ZNF778: variants seen among roughly 807,000 people sequenced by gnomAD.
ZNF778 encodes zinc finger protein 778.
In ZNF778, 37 loss-of-function variants were observed where a neutral mutation model predicts 23.9. The observed-to-expected ratio is 1.54, with a 90% confidence interval of 1.19 to 2.03. ZNF778 has a LOEUF of 2.03. Ranked by LOEUF, ZNF778 falls within the 30% of genes most tolerant of loss-of-function variation. ZNF778 has a pLI of 0.00. For missense variants in ZNF778, 1,297 were observed against 934.4 expected (o/e 1.39, Z -5.06); for synonymous variants, 483 against 343.9 (o/e 1.40, Z -4.48).
Position 89,227,138 on chromosome 16 carries a change from AGG to A in ZNF778, c.852_853del (p.Glu285MetfsTer6), listed in dbSNP as rs926844160. On this transcript the variant is annotated frameshift_variant, in exon 7 of 7. Coordinates refer to ENST00000433976, the MANE Select transcript of ZNF778 (RefSeq NM_001201407.2). LOFTEE classifies it low-confidence loss of function (END_TRUNC). ...TGCCGTCAGGAATCCCCACGTATGT[AGG>A]GAATGTGGGAAGGCCTTTAGGTACA... ...MHAVRNPHVC[R>X]ECGKAFRYTA... The A allele has an allele frequency of 6.2e-7, 1 of 1,613,916 alleles. No homozygotes were observed. The highest frequency in any genetic ancestry group is 8.5e-7 in the Non-Finnish European group (1 of 1,179,910).
At chr16:89,220,686 C>T (rs1037107094) in intron 1 of ZNF778, among the ~76,000 whole-genome samples, 2 of 152,068 alleles carry the variant, frequency 1.3e-5, no homozygotes, top group African/African-American at 4.8e-5. Context: ...ACGAGATGGT[C>T]GAACATGTAC....
At position 89,233,442 on chromosome 16, in the gene ZNF778, C is replaced by CATAT. The variant is rs1274934229; in HGVS notation, c.*4880_*4881insATAT. ...TGCGTATGCAACTCAACTCGCACTG[C>CATAT]GTGTGCAACTCAACTCGCACTGCGT... is the stretch of plus-strand genomic sequence containing the variant. On this transcript the variant is annotated 3_prime_UTR_variant, in exon 7 of 7. Transcript: ENST00000433976. 1.6e-6 allele frequency: 2 copies of CATAT among 1,264,484 alleles called. No individual in the cohort carries two copies. The highest frequency in any genetic ancestry group is 3.2e-5 in the African/African-American group (2 of 62,882). The allele number at this position is 1,264,484 out of a possible 1,614,324, so 78.3% of individuals were successfully genotyped here.
chr16:89,232,827 G>T lies in ZNF778; in HGVS notation c.*4265G>T. 7.8e-7 allele frequency: 1 copy of T among 1,289,342 alleles called. No homozygotes were observed. The highest frequency in any genetic ancestry group is 1.0e-6 in the Non-Finnish European group (1 of 988,860). 79.9% of individuals were successfully genotyped at this position (1,289,342 alleles called of 1,614,324 possible). A position where few individuals can be genotyped will look rare whatever the true frequency, so the allele number is the denominator to read the frequency against. On this transcript the variant is annotated 3_prime_UTR_variant, in exon 7 of 7. Coordinates refer to ENST00000433976, the MANE Select transcript of ZNF778 (RefSeq NM_001201407.2). ...CTGCATATGCAACTCAACTCACACC[G>T]TATATGCAACTCAACTCACACCGTG... is the stretch of plus-strand genomic sequence containing the variant.
rs2031723380 is a variant in ZNF778, at chr16:89,228,632, C to T, written c.*70C>T. 2 of 1,519,696 alleles carry T rather than the reference C, an allele frequency of 1.3e-6. No homozygotes were observed. The highest frequency in any genetic ancestry group is 1.4e-5 in the South Asian group (1 of 72,656). 94.1% of individuals were successfully genotyped at this position (1,519,696 alleles called of 1,614,324 possible). A position where few individuals can be genotyped will look rare whatever the true frequency, so the allele number is the denominator to read the frequency against. On this transcript the variant is annotated 3_prime_UTR_variant, in exon 7 of 7. Coordinates refer to ENST00000433976, the MANE Select transcript of ZNF778 (RefSeq NM_001201407.2). ...AAGACATGAAAGACCTCTCGTTCTC[C>T]AGATGTCCATGACTTGAGGAATGTG...
Position 89,232,898 on chromosome 16 carries a change from G to T in ZNF778, c.*4336G>T, listed in dbSNP as rs74208952. On this transcript the variant is annotated 3_prime_UTR_variant, in exon 7 of 7. Coordinates refer to ENST00000433976, the MANE Select transcript of ZNF778 (RefSeq NM_001201407.2). Reference sequence around the variant, plus strand: ...GCGTATGCAACTCAACTCGCACTGCGTATGCAACTCAACTCGCACTGCGTA... The same window carrying T: ...GCGTATGCAACTCAACTCGCACTGCTTATGCAACTCAACTCGCACTGCGTA... The T allele has an allele frequency of 8.6e-5, 110 of 1,279,182 alleles. No individual in the cohort carries two copies. Among genetic ancestry groups the T allele is most frequent in the Non-Finnish European group, 1.1e-4 (109 of 985,386 alleles). 79.2% of individuals were successfully genotyped at this position (1,279,182 alleles called of 1,614,324 possible).
intron 5 of ZNF778, among the ~76,000 whole-genome samples, chr16:89,225,243 G>T (rs2031371009): frequency 1.3e-5 from 2 of 150,216 alleles, no homozygotes; most frequent in South Asian, 4.3e-4. Flanking sequence ...AGCCTCCTGA[G>T]TAGCTGGGAT....
At position 89,223,050 on chromosome 16, in the gene ZNF778, A is replaced by T. The variant is rs559411672; in HGVS notation, c.118-107A>T. On this transcript the variant is annotated intron_variant, in intron 3 of 6. Transcript: ENST00000433976. ...GGGACCACTGGGCCATGGGGTAGAC[A>T]GTAGGAGGCCTCACAGTCCCATAGG... is the stretch of plus-strand genomic sequence containing the variant. 2.7e-4 allele frequency: 368 copies of T among 1,353,120 alleles called. 1 individual carries two copies. In the African/African-American group the frequency reaches 4.8e-3, roughly 18 times the overall value. The allele number at this position is 1,353,120 out of a possible 1,614,324, so 83.8% of individuals were successfully genotyped here.
rs1193911740 is a variant in ZNF778, at chr16:89,235,124, C to G, written c.*6562C>G. Reference sequence around the variant, plus strand: ...TCTGTAGAGTGTAATGTCATTTTTCCCACTATGGACATAAAAATTTTTGCA... The same window carrying G: ...TCTGTAGAGTGTAATGTCATTTTTCGCACTATGGACATAAAAATTTTTGCA... On this transcript the variant is annotated 3_prime_UTR_variant, in exon 7 of 7. Transcript: ENST00000433976. 1 of 151,758 alleles carries G rather than the reference C, an allele frequency of 6.6e-6. No individual in the cohort carries two copies. Among genetic ancestry groups the G allele is most frequent in the South Asian group, 2.1e-4 (1 of 4,812 alleles). 9.4% of individuals were successfully genotyped at this position (151,758 alleles called of 1,614,324 possible).
rs1241526206 is a variant in ZNF778 at position 89,235,710 on chromosome 16, C to T, written c.*7148C>T. The T allele has an allele frequency of 1.3e-5, 2 of 152,194 alleles. No individual in the cohort carries two copies. The highest frequency in any genetic ancestry group is 4.8e-5 in the African/African-American group (2 of 41,436). 9.4% of individuals were successfully genotyped at this position (152,194 alleles called of 1,614,324 possible). A position where few individuals can be genotyped will look rare whatever the true frequency, so the allele number is the denominator to read the frequency against. On this transcript the variant is annotated 3_prime_UTR_variant, in exon 7 of 7. Transcript: ENST00000433976. ...CAGTGTTATGATACCAAATGGCTAA[C>T]ATTCATGACCTCAGTATCCTGGAAG...
chr16:89,221,661 G>A (rs939512000), intron 2 of ZNF778, among the ~76,000 whole-genome samples: 3 of 151,526 alleles, frequency 2.0e-5, no homozygotes, highest in African/African-American at 7.3e-5. Flanking sequence ...GGCTGTGTGT[G>A]TGTGTATTTT....
At position 89,223,297 on chromosome 16, in the gene ZNF778, C is replaced by A; in HGVS notation, c.244+14C>A. The A allele has an allele frequency of 6.2e-7, 1 of 1,613,372 alleles. No homozygotes were observed. The highest frequency in any genetic ancestry group is 8.5e-7 in the Non-Finnish European group (1 of 1,179,784). On this transcript the variant is annotated intron_variant, in intron 4 of 6. Transcript: ENST00000433976. ...TGGCCTCAGTAGGTGAGGCTGCCACCGTCCTTTGCAACTTCTGTGGAACCA... is the reference window on the plus strand; with the variant it reads ...TGGCCTCAGTAGGTGAGGCTGCCACAGTCCTTTGCAACTTCTGTGGAACCA...
Position 89,227,685 on chromosome 16 carries a change from A to G in ZNF778, c.1397A>G (p.Glu466Gly). 2 of 1,614,206 alleles carry G rather than the reference A, an allele frequency of 1.2e-6. No homozygotes were observed. Among genetic ancestry groups the G allele is most frequent in the Non-Finnish European group, 1.7e-6 (2 of 1,180,026 alleles). The change falls in exon 7 of 7, where the codon GAG (glutamate) becomes GGG (glycine). Residue 466 changes from glutamate (E) to glycine (G), a missense_variant. By Grantham distance (98) the Glu-to-Gly change is moderately conservative. Coordinates refer to ENST00000433976, the MANE Select transcript of ZNF778 (RefSeq NM_001201407.2). ...KAFCTSSGLTEHVRTHTGEKP... is the reference protein window; with the variant it reads ...KAFCTSSGLTGHVRTHTGEKP... The stretch of plus-strand genomic sequence containing the variant: ...TTCTGTACATCCTCGGGCCTTACTG[A>G]GCATGTAAGGACTCACACTGGAGAG...
chr16:89,226,998 A>T lies in ZNF778; in HGVS notation c.710A>T (p.Gln237Leu). ...YSSCGEVFLN[Q>L]SYLQARAGSH... ...AGCTGTGGGGAAGTGTTCCTTAATC[A>T]GTCATACCTTCAGGCACGTGCGGGA... Residue 237 changes from glutamine (Q) to leucine (L), a missense_variant, in exon 7 of 7, where the codon CAG becomes CTG. Coordinates refer to ENST00000433976, the MANE Select transcript of ZNF778 (RefSeq NM_001201407.2). 1 of 1,614,008 alleles carries T rather than the reference A, an allele frequency of 6.2e-7. No homozygotes were observed. The highest frequency in any genetic ancestry group is 8.5e-7 in the Non-Finnish European group (1 of 1,179,892).
chr16:89,228,819 T>C lies in ZNF778; in HGVS notation c.*257T>C, dbSNP rs1268136439. The stretch of plus-strand genomic sequence containing the variant: ...ATTGATGTGTGATATGCAGCAGCAT[T>C]GTTGCTGTTCTGCTCAGTACTTTGA... On this transcript the variant is annotated 3_prime_UTR_variant, in exon 7 of 7. Coordinates refer to ENST00000433976, the MANE Select transcript of ZNF778 (RefSeq NM_001201407.2). 8.2e-7 allele frequency: 1 copy of C among 1,222,364 alleles called. No individual in the cohort carries two copies. Among genetic ancestry groups the C allele is most frequent in the Non-Finnish European group, 1.0e-6 (1 of 978,772 alleles). 75.7% of individuals were successfully genotyped at this position (1,222,364 alleles called of 1,614,324 possible).
Position 89,229,149 on chromosome 16 carries a change from C to G in ZNF778, c.*587C>G. The G allele has an allele frequency of 7.1e-6, 7 of 986,076 alleles. No homozygotes were observed. The highest frequency in any genetic ancestry group is 7.2e-6 in the Non-Finnish European group (6 of 830,450). 61.1% of individuals were successfully genotyped at this position (986,076 alleles called of 1,614,324 possible). ...CCTCCAGTCTGGTTGCTACAGTGTC[C>G]ACGTCGCAGCCTGGCTAACAGTAGG... On this transcript the variant is annotated 3_prime_UTR_variant, in exon 7 of 7. Transcript: ENST00000433976.
At position 89,233,687 on chromosome 16, in the gene ZNF778, CTT is replaced by C; in HGVS notation, c.*5126_*5127del. ...AACTCGCACTGCGTATGCAAATCAA[CTT>C]ACTGCATATGCAACTCAACTCACTG... On this transcript the variant is annotated 3_prime_UTR_variant, in exon 7 of 7. Coordinates refer to ENST00000433976, the MANE Select transcript of ZNF778 (RefSeq NM_001201407.2). The C allele has an allele frequency of 7.8e-7, 1 of 1,285,838 alleles. No homozygotes were observed. The highest frequency in any genetic ancestry group is 1.0e-6 in the Non-Finnish European group (1 of 987,826). The allele number at this position is 1,285,838 out of a possible 1,614,324, so 79.7% of individuals were successfully genotyped here.
In ZNF778 at chr16:89,229,056, C is replaced by T. The variant is rs531455636; in HGVS notation, c.*494C>T. 57 of 991,092 alleles carry T rather than the reference C, an allele frequency of 5.8e-5. No individual in the cohort carries two copies. In the South Asian group the frequency reaches 6.9e-4, roughly 12 times the overall value. The allele number at this position is 991,092 out of a possible 1,614,324, so 61.4% of individuals were successfully genotyped here. Reference sequence around the variant, plus strand: ...CATGTCTTTCTGGGGGTTCTGTAGACGTATTTTGAATCTTTATGATGCTGC... The same window carrying T: ...CATGTCTTTCTGGGGGTTCTGTAGATGTATTTTGAATCTTTATGATGCTGC... On this transcript the variant is annotated 3_prime_UTR_variant, in exon 7 of 7. Transcript: ENST00000433976.
At chr16:89,219,449 T>G (rs1345931218) in intron 1 of ZNF778, among the ~76,000 whole-genome samples, 1 of 152,262 alleles carries the variant, frequency 6.6e-6, no homozygotes, top group East Asian at 1.9e-4. Flanking sequence ...CTCAGATGGC[T>G]GAGTTCAGCC....
chr16:89,233,908 G>A lies in ZNF778; in HGVS notation c.*5346G>A, dbSNP rs943850803. ...CTCCTCCCTGAAGTCAGCCCAGGAT[G>A]AGGCACTAGACAGCAGGACATGCTG... is the stretch of plus-strand genomic sequence containing the variant. On this transcript the variant is annotated 3_prime_UTR_variant, in exon 7 of 7. Transcript: ENST00000433976. The A allele has an allele frequency of 4.9e-5, 63 of 1,289,366 alleles. No individual in the cohort carries two copies. The African/African-American group carries it at 9.3e-4, about 19-fold the overall frequency. 79.9% of individuals were successfully genotyped at this position (1,289,366 alleles called of 1,614,324 possible).
Sources: gnomAD v4.1 joint callset for allele counts (sites outside exome capture counted in the v4.1 genomes callset) on GRCh38, gnomAD v4.1.1 for gene constraint, MANE v1.5 for transcripts, NCBI Gene and HGNC (gene_info 2026-07-23, HGNC 2026-07-21) for gene names.